Variants in LHFPL3 observed in about 807,000 individuals in gnomAD.
The protein encoded by LHFPL3 is LHFPL tetraspan subfamily member 3.
LHFPL3 carries 5 observed loss-of-function variants against 19.3 expected under a neutral mutation model. That is an observed-to-expected ratio of 0.26 (90% CI 0.14 to 0.54). The LOEUF (loss-of-function observed/expected upper bound fraction) is 0.54, where lower values mean the gene tolerates loss of function less well. LHFPL3 is among the 20% of genes least tolerant of loss of function. The pLI is 0.94. For missense variants in LHFPL3, 249 were observed against 307.4 expected, an observed-to-expected ratio of 0.81 and a Z score of 1.42; for synonymous variants, 133 against 126.2, an observed-to-expected ratio of 1.05 and a Z score of -0.36.
rs116875953 is a variant in LHFPL3, at chr7:104,332,968, C to T, written c.445+3744C>T. ...AAGGAAAAAAAAAAAAAGAGGCTTT[C>T]TGTGTGATTTCTCTGACACTAAAAG... is the stretch of plus-strand genomic sequence containing the variant. On this transcript the variant is annotated intron_variant, in intron 1 of 2. Coordinates refer to ENST00000424859, the MANE Select transcript of LHFPL3 (RefSeq NM_199000.3). 9.7e-3 allele frequency among the ~76,000 whole-genome samples: 1,440 copies of T among 148,956 alleles called. 77 individuals are homozygous for T. The East Asian group carries it at 0.17, about 17-fold the overall frequency.
At chr7:104,688,806 A>G (rs1054732128) in intron 1 of LHFPL3, among the ~76,000 whole-genome samples, 3 of 152,182 alleles carry the variant, frequency 2.0e-5, no homozygotes, top group Non-Finnish European at 2.9e-5. Flanking sequence ...GCTACACTCC[A>G]AAAGAACTGC....
intron 2 of LHFPL3, among the ~76,000 whole-genome samples, chr7:104,872,826 T>A (rs2116662761): frequency 6.6e-6 from 1 of 152,300 alleles, no homozygotes; most frequent in Non-Finnish European, 1.5e-5. Context: ...ACAGTTAACT[T>A]TTTTTCAGTA....
At chr7:104,431,871 C>T (rs1246058812) in intron 1 of LHFPL3, among the ~76,000 whole-genome samples, 1 of 152,154 alleles carries the variant, frequency 6.6e-6, no homozygotes, top group African/African-American at 2.4e-5. Flanking sequence ...CCTATCATGT[C>T]AATCTCCTTG....
intron 1 of LHFPL3, among the ~76,000 whole-genome samples, chr7:104,379,164 C>A (rs561956402): frequency 6.6e-6 from 1 of 152,170 alleles, no homozygotes; most frequent in African/African-American, 2.4e-5. Context: ...TGTTTCCTGC[C>A]AACTTCAGCC....
intron 1 of LHFPL3, among the ~76,000 whole-genome samples, chr7:104,396,640 T>TAG (rs1791192284): frequency 1.2e-5 from 1 of 83,280 alleles, no homozygotes; most frequent in Non-Finnish European, 2.4e-5. Flanking sequence ...GGTACAAAAT[T>TAG]AGAAAAAAAA....
chr7:104,434,912 T>C (rs898225279), intron 1 of LHFPL3, among the ~76,000 whole-genome samples: 1 of 152,170 alleles, frequency 6.6e-6, no homozygotes, highest in Non-Finnish European at 1.5e-5. Context: ...AATATAATTA[T>C]TTTTATTAGG....
At chr7:104,775,349 T>C (rs1794621265) in intron 2 of LHFPL3, among the ~76,000 whole-genome samples, 1 of 152,118 alleles carries the variant, frequency 6.6e-6, no homozygotes, top group Non-Finnish European at 1.5e-5. Context: ...TGAGCCAAGA[T>C]CACACCACTG....
intron 2 of LHFPL3, among the ~76,000 whole-genome samples, chr7:104,864,391 A>T (rs546866464): frequency 6.6e-6 from 1 of 151,976 alleles, no homozygotes; most frequent in Non-Finnish European, 1.5e-5. Context: ...GACAGATGGC[A>T]CCTGGAAAAT....
At chr7:104,848,805 G>A (rs992613432) in intron 2 of LHFPL3, among the ~76,000 whole-genome samples, 1 of 152,168 alleles carries the variant, frequency 6.6e-6, no homozygotes, top group African/African-American at 2.4e-5. Context: ...ATATCAGCCT[G>A]GAGGCCTGGT....
intron 2 of LHFPL3, among the ~76,000 whole-genome samples, chr7:104,770,969 C>T (rs1372659656): frequency 6.6e-6 from 1 of 152,138 alleles, no homozygotes; most frequent in Admixed American, 6.5e-5. Context: ...ATTGATGAAT[C>T]CCCGCAAGCC....
chr7:104,348,052 G>A (rs1790105450), intron 1 of LHFPL3, among the ~76,000 whole-genome samples: 1 of 132,142 alleles, frequency 7.6e-6, no homozygotes, highest in African/African-American at 2.7e-5. Context: ...TCAGTGCAAT[G>A]GGAGATCGTA....
At chr7:104,810,460 AG>A (rs1790441925) in intron 2 of LHFPL3, among the ~76,000 whole-genome samples, 1 of 152,218 alleles carries the variant, frequency 6.6e-6, no homozygotes, top group African/African-American at 2.4e-5. Flanking sequence ...TTTCAGAGGT[AG>A]AACTCACAAG....
intron 1 of LHFPL3, among the ~76,000 whole-genome samples, chr7:104,665,865 G>A (rs768800989): frequency 2.0e-4 from 31 of 152,110 alleles, no homozygotes; most frequent in Non-Finnish European, 4.1e-4. Flanking sequence ...CTCTGACTTC[G>A]ACAGTGTGAG....
At chr7:104,717,901 CCTCT>C (rs1327169098) in intron 1 of LHFPL3, among the ~76,000 whole-genome samples, 1 of 152,120 alleles carries the variant, frequency 6.6e-6, no homozygotes, top group East Asian at 1.9e-4. Context: ...GAGAAACCTA[CCTCT>C]CTAAGTGTCC....
intron 1 of LHFPL3, among the ~76,000 whole-genome samples, chr7:104,705,379 A>G (rs978436902): frequency 2.0e-5 from 3 of 152,114 alleles, no homozygotes; most frequent in African/African-American, 7.2e-5. Context: ...CCAAACCACT[A>G]TGTCATTTCT....
At chr7:104,405,711 A>G (rs1791400056) in intron 1 of LHFPL3, among the ~76,000 whole-genome samples, 2 of 152,222 alleles carry the variant, frequency 1.3e-5, no homozygotes, top group Non-Finnish European at 2.9e-5. Context: ...TCCAACCATT[A>G]TCTTCTTGGC....
At chr7:104,378,289 A>G (rs868542286) in intron 1 of LHFPL3, among the ~76,000 whole-genome samples, 19 of 152,348 alleles carry the variant, frequency 1.2e-4, no homozygotes, top group African/African-American at 4.3e-4. Context: ...TGCTTTTTCT[A>G]AAATTTCAGA....
intron 1 of LHFPL3, among the ~76,000 whole-genome samples, chr7:104,631,393 A>G (rs1269124271): frequency 1.3e-5 from 2 of 151,792 alleles, no homozygotes; most frequent in Admixed American, 1.3e-4. Context: ...TTGGCCCTTG[A>G]AAGGAGCATG....
intron 1 of LHFPL3, chr7:104,667,758 T>C: frequency 6.3e-7 from 1 of 1,589,314 alleles, no homozygotes; most frequent in Non-Finnish European, 8.6e-7. Flanking sequence ...CATGGCGGCC[T>C]CAGCAAAAAA....
Sources: gnomAD v4.1 joint callset for allele counts (sites outside exome capture counted in the v4.1 genomes callset) on GRCh38, gnomAD v4.1.1 for gene constraint, MANE v1.5 for transcripts, NCBI Gene and HGNC (gene_info 2026-07-23, HGNC 2026-07-21) for gene names.